The following MGA variants were observed in gnomAD, a reference collection of about 807,000 sequenced individuals.
MGA encodes the protein MAX gene-associated protein.
MGA carries 40 observed loss-of-function variants against 261.1 expected under a neutral mutation model. The ratio of observed to expected loss-of-function variants is 0.15; its 90% confidence interval spans 0.12 to 0.20. The LOEUF is 0.20. MGA is among the 10% of genes least tolerant of loss of function. MGA has a pLI of 1.00. For missense variants in MGA, 3,397 were observed against 3,630.5 expected, an observed-to-expected ratio of 0.94 and a Z score of 1.65; for synonymous variants, 1,302 against 1,290.6, an observed-to-expected ratio of 1.01 and a Z score of -0.19.
Position 41,710,952 on chromosome 15 carries a change from G to A in MGA, c.2687G>A (p.Arg896Gln). 1.9e-6 allele frequency: 3 copies of A among 1,613,856 alleles called. No homozygotes were observed. Among genetic ancestry groups the A allele is most frequent in the South Asian group, 1.1e-5 (1 of 91,078 alleles). The change falls in exon 8 of 24, where the codon CGA (arginine) becomes CAA (glutamine). Residue 896 changes from arginine (R) to glutamine (Q), a missense_variant. Physicochemically the swap from Arg to Gln is conservative, Grantham distance 43. Around this residue, in one of 9 missense-constraint regions of MGA, gnomAD observed 519 missense variants for 554.1 expected, o/e 0.94. Coordinates refer to ENST00000219905, the MANE Select transcript of MGA (RefSeq NM_001164273.2). ...CCTCATTCTGTACCCCCTGTCTCTC[G>A]AAAGGCAAAGTCTCAAAACAGACAG...
At chr15:41,710,565 C>A in intron 7 of MGA, 126 bp from the exon 8 acceptor site, 1 of 985,510 alleles carries the variant, frequency 1.0e-6, no homozygotes, top group Non-Finnish European at 1.5e-6. Flanking sequence ...CTGTGCCCAG[C>A]TAAGGGATAG....
intron 2 of MGA, among the ~76,000 whole-genome samples, chr15:41,682,458 A>G (rs1434908832): frequency 6.6e-6 from 1 of 151,792 alleles, no homozygotes; most frequent in Admixed American, 6.6e-5. Context: ...TACATTTGCT[A>G]TTTTCATATA....
intron 1 of MGA, among the ~76,000 whole-genome samples, chr15:41,625,454 A>C (rs1240496062): frequency 6.7e-6 from 1 of 149,592 alleles, no homozygotes; most frequent in Non-Finnish European, 1.5e-5. Flanking sequence ...TTTTTTTTGA[A>C]TCTTTACAAA....
chr15:41,765,655 T>G (rs892121320), intron 23 of MGA, among the ~76,000 whole-genome samples: 1 of 152,242 alleles, frequency 6.6e-6, no homozygotes, highest in South Asian at 2.1e-4. Flanking sequence ...CCATGCTGCC[T>G]TTAGGGCTTC....
At chr15:41,691,250 ACTT>A (rs2059270435) in intron 2 of MGA, among the ~76,000 whole-genome samples, 1 of 152,058 alleles carries the variant, frequency 6.6e-6, no homozygotes, top group African/African-American at 2.4e-5. Context: ...TAAGTCTTAA[ACTT>A]CTTTTGTTAA....
intron 13 of MGA, chr15:41,739,936 T>C (rs747489516): frequency 9.9e-6 from 16 of 1,612,474 alleles, no homozygotes; most frequent in Admixed American, 1.7e-5. Flanking sequence ...GCAGGCTAAG[T>C]TGCTATTGGG....
intron 1 of MGA, among the ~76,000 whole-genome samples, chr15:41,665,237 A>G (rs2057662028): frequency 6.6e-6 from 1 of 152,210 alleles, no homozygotes; most frequent in South Asian, 2.1e-4. Flanking sequence ...TATAATGAAG[A>G]AGACTAATAA....
intron 1 of MGA, among the ~76,000 whole-genome samples, chr15:41,626,330 C>T (rs2056451007): frequency 1.3e-5 from 2 of 148,360 alleles, no homozygotes; most frequent in African/African-American, 2.5e-5. Flanking sequence ...GTTGCACAGG[C>T]TGGTCTCAAA....
Position 41,765,638 on chromosome 15 carries a change from C to T in MGA, c.7922-366C>T, listed in dbSNP as rs1053890050. The stretch of plus-strand genomic sequence containing the variant: ...ACTCACTCTGGAGGACTCATCTTTC[C>T]TGGTTCCCATGCTGCCTTTAGGGCT... On this transcript the variant is annotated intron_variant, in intron 23 of 23. Coordinates refer to ENST00000219905, the MANE Select transcript of MGA (RefSeq NM_001164273.2). 2.3e-4 allele frequency among the ~76,000 whole-genome samples: 35 copies of T among 152,210 alleles called. 1 individual carries two copies. Among genetic ancestry groups the T allele is most frequent in the Admixed American group, 8.5e-4 (13 of 15,278 alleles).
At chr15:41,753,706 A>G (rs1276146048) in intron 17 of MGA, among the ~76,000 whole-genome samples, 2 of 152,076 alleles carry the variant, frequency 1.3e-5, no homozygotes, top group Non-Finnish European at 2.9e-5. Flanking sequence ...GGCATCTGAT[A>G]GGATGTTGGT....
At chr15:41,720,898 C>T (rs770105388) in intron 9 of MGA, among the ~76,000 whole-genome samples, 4 of 151,682 alleles carry the variant, frequency 2.6e-5, no homozygotes, top group Non-Finnish European at 4.4e-5. Flanking sequence ...ACAGAAGTGG[C>T]GAAGAAATAA....
chr15:41,630,075 A>C (rs1227811389), intron 1 of MGA, among the ~76,000 whole-genome samples: 2 of 152,058 alleles, frequency 1.3e-5, no homozygotes, highest in Non-Finnish European at 2.9e-5. Flanking sequence ...CAGAGCCTTC[A>C]TTGTCTGAGT....
chr15:41,660,477 C>G lies in MGA; in HGVS notation c.-116C>G, dbSNP rs1426488095. On this transcript the variant is annotated 5_prime_UTR_variant, in exon 1 of 24. Coordinates refer to ENST00000219905, the MANE Select transcript of MGA (RefSeq NM_001164273.2). ...TGCGAACCGAACAGAATAACCCGCC[C>G]CCAGCGGGATGTGAAGGACTCCGGG... 4 of 152,958 alleles carry G rather than the reference C, an allele frequency of 2.6e-5. No individual in the cohort carries two copies. Among genetic ancestry groups the G allele is most frequent in the African/African-American group, 9.6e-5 (4 of 41,466 alleles). 9.5% of individuals were successfully genotyped at this position (152,958 alleles called of 1,614,324 possible).
At chr15:41,746,544 CAAAAAAAAA>C (rs869061461) in intron 15 of MGA, among the ~76,000 whole-genome samples, 1 of 61,854 alleles carries the variant, frequency 1.6e-5, no homozygotes, top group African/African-American at 6.1e-5. Flanking sequence ...GACTTCGTCT[CAAAAAAAAA>C]AAAAAAAAAA....
chr15:41,704,574 C>T (rs2060012560), intron 5 of MGA, among the ~76,000 whole-genome samples: 1 of 152,198 alleles, frequency 6.6e-6, no homozygotes, highest in Non-Finnish European at 1.5e-5. Flanking sequence ...AGGAGAATGG[C>T]TTGAACCTGG....
chr15:41,695,018 A>AAT (rs1451095604), intron 2 of MGA, among the ~76,000 whole-genome samples: 1 of 152,064 alleles, frequency 6.6e-6, no homozygotes, highest in African/African-American at 2.4e-5. Flanking sequence ...TTTGTTAGTG[A>AAT]ATATATATAG....
intron 1 of MGA, among the ~76,000 whole-genome samples, chr15:41,652,214 C>G (rs111599328): frequency 0.013 from 1,889 of 150,690 alleles, 20 homozygotes; most frequent in Non-Finnish European, 0.019. Flanking sequence ...AGCTCGTGAT[C>G]CACCCGCCTC....
At chr15:41,706,594 T>TG (rs1408105057) in intron 5 of MGA, among the ~76,000 whole-genome samples, 1 of 151,154 alleles carries the variant, frequency 6.6e-6, no homozygotes, top group South Asian at 2.1e-4. Flanking sequence ...CCTTTTTTTT[T>TG]TTTTGAGATA....
Position 41,669,162 on chromosome 15 carries a change from C to G in MGA, c.268C>G (p.His90Asp). 1 of 1,613,996 alleles carries G rather than the reference C, an allele frequency of 6.2e-7. No homozygotes were observed. The highest frequency in any genetic ancestry group is 8.5e-7 in the Non-Finnish European group (1 of 1,179,866). ...CAATAGTATGTGGAATGAGTTCTAT[C>G]ATCGAAGCACAGAGATGATTCTGAC... Residue 90 changes from histidine to aspartate, a missense_variant, in exon 2 of 24, where the codon CAT becomes GAT. Around this residue, in one of 9 missense-constraint regions of MGA, gnomAD observed 104 missense variants for 212.9 expected, o/e 0.49. Transcript: ENST00000219905.
Sources: gnomAD v4.1 joint callset for allele counts (sites outside exome capture counted in the v4.1 genomes callset) on GRCh38, gnomAD v4.1.1 for gene constraint, gnomAD v4.1.1 regional missense constraint, MANE v1.5 for transcripts, NCBI Gene and HGNC (gene_info 2026-07-23, HGNC 2026-07-21) for gene names.